The following PPEF1 variants were observed in gnomAD, a reference collection of about 807,000 sequenced individuals.
PPEF1 encodes the protein serine/threonine-protein phosphatase with EF-hands 1.
In PPEF1, 12 loss-of-function variants were observed where a neutral mutation model predicts 53.3. The ratio of observed to expected loss-of-function variants is 0.23; its 90% CI spans 0.14 to 0.36. PPEF1 has a LOEUF of 0.36. Ranked by LOEUF, PPEF1 falls within the 10% of genes least tolerant of loss-of-function variation. The probability of loss-of-function intolerance (pLI) is 1.00; values close to 1 mark genes in which losing one functional copy is unlikely to be tolerated. For synonymous variants in PPEF1, 165 were observed against 176.7 expected (o/e 0.93, Z 0.52); for missense variants, 334 against 490.4 (o/e 0.68, Z 3.01).
intron 6 of PPEF1, among the ~76,000 whole-genome samples, chrX:18,777,975 A>C (rs12863241): frequency 0.49 from 53,396 of 109,166 alleles, 9,847 homozygotes; most frequent in Non-Finnish European, 0.54. Context: ...AAACTCCTGA[A>C]CTCAAGTGAT....
chrX:18,741,561 G>A (rs1281166303), intron 3 of PPEF1, among the ~76,000 whole-genome samples: 1 of 110,791 alleles, frequency 9.0e-6, no homozygotes, highest in Admixed American at 9.7e-5. Context: ...TTTTCTCAAA[G>A]TAAACACACC....
chrX:18,704,711 A>G (rs2044160286), upstream of PPEF1, among the ~76,000 whole-genome samples: 1 of 111,855 alleles, frequency 8.9e-6, no homozygotes, highest in Non-Finnish European at 1.9e-5. Flanking sequence ...TCTATTACAG[A>G]TTGTCAAACT....
At chrX:18,802,524 G>A (rs2147678845) in intron 10 of PPEF1, among the ~76,000 whole-genome samples, 1 of 111,925 alleles carries the variant, frequency 8.9e-6, no homozygotes, top group African/African-American at 3.2e-5. Flanking sequence ...ATGTATTGCG[G>A]AAACTGAGAA....
intron 3 of PPEF1, among the ~76,000 whole-genome samples, chrX:18,689,615 C>T (rs1929254285): frequency 9.1e-6 from 1 of 110,071 alleles, no homozygotes; most frequent in African/African-American, 3.3e-5. Flanking sequence ...CAGCCCCACC[C>T]CAGACCTACT....
At chrX:18,779,324 C>T in intron 7 of PPEF1, 148 bp downstream of exon 7, 1 of 501,356 alleles carries the variant, frequency 2.0e-6, no homozygotes, top group Non-Finnish European at 3.1e-6. Context: ...ACCCCTTTCA[C>T]CACCCCCATT....
intron 3 of PPEF1, among the ~76,000 whole-genome samples, chrX:18,686,562 T>A (rs2147231424): frequency 9.0e-6 from 1 of 111,297 alleles, no homozygotes; most frequent in East Asian, 2.8e-4. Flanking sequence ...CTCGGATAAT[T>A]GGCTTAAGTC....
At chrX:18,700,277 G>T (rs11094749) in intron 5 of PPEF1, 1,933 of 51,896 alleles carry the variant, frequency 0.037, 41 homozygotes, top group South Asian at 0.1. Context: ...GTGTGTGTGT[G>T]TGTGTTTGTG....
At chrX:18,750,084 CT>C (rs1428721680) in intron 4 of PPEF1, 132 bp downstream of exon 4, 4 of 593,014 alleles carry the variant, frequency 6.7e-6, no homozygotes, top group Non-Finnish European at 1.0e-5. Flanking sequence ...GAGAGCTCCC[CT>C]CTGTTACTCA....
At chrX:18,696,896 G>A (rs1007727269) in intron 4 of PPEF1, among the ~76,000 whole-genome samples, 10 of 112,075 alleles carry the variant, frequency 8.9e-5, no homozygotes, top group East Asian at 2.8e-4. Flanking sequence ...TGCACATGCC[G>A]CTGTTTTCTT....
chrX:18,728,125 CAA>C (rs2044750020), intron 1 of PPEF1, among the ~76,000 whole-genome samples: 1 of 110,666 alleles, frequency 9.0e-6, no homozygotes, highest in African/African-American at 3.3e-5. Flanking sequence ...GACATCACAA[CAA>C]AAGACTGTAT....
intron 13 of PPEF1, among the ~76,000 whole-genome samples, chrX:18,819,679 A>C (rs925279110): frequency 7.2e-5 from 8 of 111,430 alleles, no homozygotes; most frequent in African/African-American, 2.6e-4. Context: ...GGGTGACAAG[A>C]GTGAAACTCT....
At chrX:18,694,864 G>T (rs758618813) in intron 4 of PPEF1, among the ~76,000 whole-genome samples, 1 of 112,206 alleles carries the variant, frequency 8.9e-6, no homozygotes, top group South Asian at 3.7e-4. Flanking sequence ...CTCACTGTCA[G>T]TTCAGTGGTA....
At chrX:18,804,176 T>A (rs1738243120) in intron 11 of PPEF1, 99 bp downstream of exon 11, 1 of 800,432 alleles carries the variant, frequency 1.2e-6, no homozygotes. Context: ...CATGAGAAGA[T>A]GTCTTCTCTA....
At position 18,819,177 on chromosome X, in the gene PPEF1, T is replaced by A. The variant is rs180921022; in HGVS notation, c.1501+1032T>A. Among the ~76,000 whole-genome samples, 291 of 110,473 alleles carry A rather than the reference T, an allele frequency of 2.6e-3. 2 individuals carry two copies. Among genetic ancestry groups the A allele is most frequent in the African/African-American group, 8.7e-3 (266 of 30,416 alleles). On this transcript the variant is annotated intron_variant, in intron 13 of 15. Coordinates refer to ENST00000470157, the MANE Select transcript of PPEF1 (RefSeq NM_001377996.1). ...GGATACAAACTACCATGAGTGAGAG[T>A]CAGCAGAAACAACAATTATTTCCCC...
At chrX:18,688,718 AAATT>A in intron 3 of PPEF1, 1 of 112,772 alleles carries the variant, frequency 8.9e-6, no homozygotes, top group Non-Finnish European at 1.9e-5. Context: ...TAAACCATAA[AAATT>A]AATTGTAGAA....
At chrX:18,687,685 C>CTTCTT (rs1555962750) in intron 3 of PPEF1, among the ~76,000 whole-genome samples, 3 of 89,148 alleles carry the variant, frequency 3.4e-5, no homozygotes, top group African/African-American at 9.2e-5. Flanking sequence ...AAATATTCTT[C>CTTCTT]TTTTTTTTTT....
chrX:18,736,734 A>G (rs980386875), intron 3 of PPEF1, among the ~76,000 whole-genome samples: 1 of 112,539 alleles, frequency 8.9e-6, no homozygotes, highest in African/African-American at 3.2e-5. Flanking sequence ...CTCTGGTAGA[A>G]TTCGGCTGTG....
intron 1 of PPEF1, among the ~76,000 whole-genome samples, chrX:18,676,535 T>C (rs1602329539): frequency 9.0e-6 from 1 of 110,850 alleles, no homozygotes; most frequent in Non-Finnish European, 1.9e-5. Context: ...GATGCCTAGA[T>C]TGTGGGCCAC....
intron 3 of PPEF1, among the ~76,000 whole-genome samples, chrX:18,746,396 A>G (rs752905329): frequency 2.7e-5 from 3 of 112,318 alleles, no homozygotes; most frequent in Non-Finnish European, 1.9e-5. Flanking sequence ...CTAATACTTC[A>G]TATTGAGTAG....
Sources: gnomAD v4.1 joint callset for allele counts (sites outside exome capture counted in the v4.1 genomes callset) on GRCh38, gnomAD v4.1.1 for gene constraint, MANE v1.5 for transcripts, NCBI Gene and HGNC (gene_info 2026-07-23, HGNC 2026-07-21) for gene names.